The following SLC2A5 variants were observed in gnomAD, a reference collection of about 807,000 sequenced individuals.
SLC2A5 encodes solute carrier family 2, facilitated glucose transporter member 5.
A neutral mutation model predicts 50.3 loss-of-function variants in SLC2A5; 56 were observed. The ratio of observed to expected loss-of-function variants is 1.11; its 90% CI spans 0.90 to 1.39. The LOEUF (loss-of-function observed/expected upper bound fraction) is 1.39, where lower values mean the gene tolerates loss of function less well. Among genes scored for constraint, SLC2A5 ranks in the 40% most tolerant of loss-of-function variants. SLC2A5 has a pLI of 0.00. For missense variants in SLC2A5, 566 were observed against 650.1 expected, an observed-to-expected ratio of 0.87 and a Z score of 1.41; for synonymous variants, 269 against 281.9, an observed-to-expected ratio of 0.95 and a Z score of 0.46.
At chr1:9,063,466 C>T (rs543929289) in intron 1 of SLC2A5, among the ~76,000 whole-genome samples, 23 of 151,264 alleles carry the variant, frequency 1.5e-4, no homozygotes, top group African/African-American at 4.6e-4. Flanking sequence ...TCCACCTCCT[C>T]GGTTCAAGCA....
chr1:9,068,269 C>G (rs1642135519), intron 1 of SLC2A5, among the ~76,000 whole-genome samples: 1 of 149,586 alleles, frequency 6.7e-6, no homozygotes, highest in Admixed American at 6.7e-5. Flanking sequence ...GTGCCAGGTA[C>G]TTTACATGCA....
intron 2 of SLC2A5, among the ~76,000 whole-genome samples, chr1:9,083,897 C>A (rs2124483113): frequency 6.6e-6 from 1 of 152,272 alleles, no homozygotes; most frequent in South Asian, 2.1e-4. Flanking sequence ...GTAATCCCAG[C>A]ACTTTGGGAG....
chr1:9,040,350 C>T lies in SLC2A5; in HGVS notation c.572-161G>A, dbSNP rs918255127. ...ACAGCAACTCCCGACGGTGGACACTCGGGAAACACCTGCAGCAGGGATCAG... is the reference window on the plus strand; with the variant it reads ...ACAGCAACTCCCGACGGTGGACACTTGGGAAACACCTGCAGCAGGGATCAG... On this transcript the variant is annotated intron_variant, in intron 5 of 11. Coordinates refer to ENST00000377424, the MANE Select transcript of SLC2A5 (RefSeq NM_003039.3). This position sits in a 1 kb window ranked among gnomAD's most constrained non-coding sequence, Gnocchi z 4.3. 1.2e-6 allele frequency: 1 copy of T among 817,492 alleles called. No homozygotes were observed. The highest frequency in any genetic ancestry group is 1.9e-6 in the Non-Finnish European group (1 of 536,584). The allele number at this position is 817,492 out of a possible 1,614,324, so 50.6% of individuals were successfully genotyped here. A position where few individuals can be genotyped will look rare whatever the true frequency, so the allele number is the denominator to read the frequency against.
At chr1:9,091,044 C>T (rs750801650), upstream of SLC2A5, among the ~76,000 whole-genome samples, 10 of 152,162 alleles carry the variant, frequency 6.6e-5, no homozygotes, top group East Asian at 3.8e-4. Flanking sequence ...ACAAAAGCAA[C>T]GTGTTCAACA....
chr1:9,037,726 T>C lies in SLC2A5; in HGVS notation c.1366A>G (p.Ile456Val), dbSNP rs868760539. The C allele has an allele frequency of 1.2e-6, 2 of 1,614,098 alleles. No homozygotes were observed. The highest frequency in any genetic ancestry group is 1.7e-6 in the Non-Finnish European group (2 of 1,180,022). ...TTGGTCTCCGGGACAATCAAGAAGATGTAGATGGTGGTGAGGAGGCAGATC... is the reference window on the plus strand; with the variant it reads ...TTGGTCTCCGGGACAATCAAGAAGACGTAGATGGTGGTGAGGAGGCAGATC... ...AVICLLTTIYIFLIVPETKAK... is the reference protein window; with the variant it reads ...AVICLLTTIYVFLIVPETKAK... The change falls in exon 12 of 12, where the codon ATC becomes GTC. Residue 456 changes from isoleucine to valine, a missense_variant. Physicochemically the swap from Ile to Val is conservative, Grantham distance 29 (BLOSUM62 3). Transcript: ENST00000377424.
chr1:9,038,303 G>A (rs1641190240), intron 10 of SLC2A5, 128 bp downstream of exon 10: 1 of 754,464 alleles, frequency 1.3e-6, no homozygotes, highest in Non-Finnish European at 2.3e-6. Context: ...CCCCCTTGCG[G>A]TGGACGGGGG....
intron 3 of SLC2A5, among the ~76,000 whole-genome samples, chr1:9,053,138 T>A (rs1237583752): frequency 1.9e-5 from 2 of 103,146 alleles, no homozygotes; most frequent in African/African-American, 8.4e-5. Flanking sequence ...TACATATATT[T>A]ATATGTTAAT....
intron 1 of SLC2A5, among the ~76,000 whole-genome samples, chr1:9,067,372 C>T (rs1187619683): frequency 1.3e-5 from 2 of 152,248 alleles, no homozygotes; most frequent in African/African-American, 4.8e-5. Flanking sequence ...TGGGTCAGCC[C>T]ATGCCTCTCG....
intron 1 of SLC2A5, among the ~76,000 whole-genome samples, chr1:9,063,618 C>T (rs888852039): frequency 2.0e-5 from 3 of 150,772 alleles, no homozygotes; most frequent in Admixed American, 6.7e-5. Context: ...AGTGATCCAC[C>T]TGCCTTGGGC....
chr1:9,064,432 C>T (rs751738384), intron 1 of SLC2A5, among the ~76,000 whole-genome samples: 1 of 152,098 alleles, frequency 6.6e-6, no homozygotes, highest in East Asian at 1.9e-4. Context: ...GTTGCCAAGA[C>T]GCTGAGCTGT....
At chr1:9,046,769 T>G (rs1419178319) in intron 4 of SLC2A5, among the ~76,000 whole-genome samples, 2 of 152,028 alleles carry the variant, frequency 1.3e-5, no homozygotes, top group African/African-American at 4.8e-5. Context: ...TTTTATTTAT[T>G]GATTTATATA....
intron 4 of SLC2A5, among the ~76,000 whole-genome samples, chr1:9,042,892 G>A (rs1365054486): frequency 6.6e-6 from 1 of 152,068 alleles, no homozygotes; most frequent in Admixed American, 6.6e-5. Context: ...TGGGATTTCT[G>A]TAATGCCTGG....
chr1:9,066,632 T>C (rs1642090703), intron 1 of SLC2A5, among the ~76,000 whole-genome samples: 1 of 152,132 alleles, frequency 6.6e-6, no homozygotes, highest in Admixed American at 6.5e-5. Flanking sequence ...CTTTTCTTCC[T>C]GGCAGAAAGT....
intron 4 of SLC2A5, 102 bp downstream of exon 4, chr1:9,047,508 T>C (rs1641465016): frequency 1.6e-6 from 2 of 1,272,450 alleles, no homozygotes; most frequent in South Asian, 1.4e-5. Flanking sequence ...GAACGCTTTC[T>C]ACACGCTTCA....
chr1:9,075,209 T>A (rs1557684120), intron 2 of SLC2A5, among the ~76,000 whole-genome samples: 1 of 152,174 alleles, frequency 6.6e-6, no homozygotes, highest in Admixed American at 6.6e-5. Flanking sequence ...GGTCTGTCTG[T>A]GTTTATGTCC....
At chr1:9,081,939 A>C (rs750917065) in intron 2 of SLC2A5, among the ~76,000 whole-genome samples, 1 of 152,052 alleles carries the variant, frequency 6.6e-6, no homozygotes, top group Non-Finnish European at 1.5e-5. Context: ...AAAATTAGTC[A>C]GGTGTGTTGG....
In SLC2A5 at chr1:9,039,876, C is replaced by T. The variant is rs1417910962; in HGVS notation, c.809G>A (p.Arg270Gln). ...CAGCTGCCAGCGCAGCGAGCGCATC[C>T]GGAACAGCTTCAGCACGGAGATGAA... The part of the protein sequence containing the change: ...AGFISVLKLF[R>Q]MRSLRWQLLS... Residue 270 changes from arginine to glutamine, a missense_variant, in exon 7 of 12, where the codon CGG (arginine) becomes CAG (glutamine). Transcript: ENST00000377424. 3.1e-6 allele frequency: 5 copies of T among 1,612,430 alleles called. No homozygotes were observed. The highest frequency in any genetic ancestry group is 1.3e-5 in the African/African-American group (1 of 74,934).
In SLC2A5 at chr1:9,041,840, A is replaced by G; in HGVS notation, c.516T>C (p.Val172=). ...LGVVPQLFIT[V]GILVAQIFGL... The stretch of plus-strand genomic sequence containing the variant: ...CAAAGATCTGGGCCACAAGGATGCC[A>G]ACAGTGATGAAGAGCTGGGGCACCA... Residue 172 remains valine, a synonymous_variant, in exon 5 of 12, where the codon GTT becomes GTC. Transcript: ENST00000377424. 3.1e-6 allele frequency: 5 copies of G among 1,614,088 alleles called. No individual in the cohort carries two copies. Among genetic ancestry groups the G allele is most frequent in the Non-Finnish European group, 2.5e-6 (3 of 1,180,020 alleles).
intron 2 of SLC2A5, among the ~76,000 whole-genome samples, chr1:9,076,664 C>G (rs1642287009): frequency 6.6e-6 from 1 of 152,088 alleles, no homozygotes. Context: ...AAGGAAAAAA[C>G]TGAGGTGAAA....
Sources: gnomAD v4.1 joint callset for allele counts (sites outside exome capture counted in the v4.1 genomes callset) on GRCh38, gnomAD v4.1.1 for gene constraint, Gnocchi (gnomAD v3.1) non-coding constraint, MANE v1.5 for transcripts, NCBI Gene and HGNC (gene_info 2026-07-23, HGNC 2026-07-21) for gene names.